CNOT6L: variants seen among roughly 807,000 people sequenced by gnomAD.
CNOT6L encodes the protein CCR4-NOT transcription complex subunit 6-like.
Under a neutral mutation model 64.0 loss-of-function variants are expected in CNOT6L, and 7 were observed. The ratio of observed to expected loss-of-function variants is 0.11; its 90% CI spans 0.06 to 0.21. The LOEUF (loss-of-function observed/expected upper bound fraction) is 0.21. CNOT6L is among the 10% of genes least tolerant of loss of function. The probability of loss-of-function intolerance (pLI) is 1.00; values close to 1 mark genes in which losing one functional copy is unlikely to be tolerated. For missense variants in CNOT6L, 245 were observed against 669.0 expected, an observed-to-expected ratio of 0.37 and a Z score of 6.99; for synonymous variants, 193 against 243.4, an observed-to-expected ratio of 0.79 and a Z score of 1.93.
At chr4:77,723,046 A>G (rs1178265882) in intron 11 of CNOT6L, among the ~76,000 whole-genome samples, 1 of 152,220 alleles carries the variant, frequency 6.6e-6, no homozygotes, top group Admixed American at 6.5e-5. Flanking sequence ...TTACAATTTC[A>G]TAATGTAACA....
chr4:77,728,013 CA>C (rs1359455876), intron 10 of CNOT6L, among the ~76,000 whole-genome samples: 2 of 152,046 alleles, frequency 1.3e-5, no homozygotes, highest in African/African-American at 2.4e-5. Context: ...CAAAATTTAG[CA>C]TATGCTTTGG....
chr4:77,817,934 A>G (rs1185127010), intron 1 of CNOT6L, among the ~76,000 whole-genome samples: 1 of 152,236 alleles, frequency 6.6e-6, no homozygotes, highest in Non-Finnish European at 1.5e-5. Flanking sequence ...ACATTAGCAA[A>G]TAATTATCCA....
intron 1 of CNOT6L, among the ~76,000 whole-genome samples, chr4:77,810,423 T>C (rs1290025609): frequency 6.6e-6 from 1 of 152,204 alleles, no homozygotes; most frequent in East Asian, 1.9e-4. Context: ...GAATGTCAGC[T>C]GACAGCTAGA....
intron 5 of CNOT6L, among the ~76,000 whole-genome samples, chr4:77,750,862 T>A (rs904341223): frequency 6.6e-6 from 1 of 152,208 alleles, no homozygotes; most frequent in Admixed American, 6.5e-5. Flanking sequence ...CTGCCTACAG[T>A]GCAGGTGTCA....
At chr4:77,760,141 A>T (rs1726033658) in intron 4 of CNOT6L, among the ~76,000 whole-genome samples, 1 of 152,088 alleles carries the variant, frequency 6.6e-6, no homozygotes, top group Non-Finnish European at 1.5e-5. Flanking sequence ...GGGAGGCCAA[A>T]GTGGGAGAAC....
At chr4:77,751,878 T>C (rs748116181) in intron 5 of CNOT6L, among the ~76,000 whole-genome samples, 5 of 151,980 alleles carry the variant, frequency 3.3e-5, no homozygotes, top group Non-Finnish European at 4.4e-5. Context: ...CCTTAAAAAA[T>C]AGCTAAAAGA....
At chr4:77,804,167 C>G (rs1731947968) in intron 1 of CNOT6L, among the ~76,000 whole-genome samples, 1 of 152,042 alleles carries the variant, frequency 6.6e-6, no homozygotes, top group Non-Finnish European at 1.5e-5. Context: ...GTGGTTCATG[C>G]CTGTAATCCC....
intron 4 of CNOT6L, among the ~76,000 whole-genome samples, chr4:77,758,678 G>A (rs1369707751): frequency 6.6e-6 from 1 of 152,144 alleles, no homozygotes; most frequent in Non-Finnish European, 1.5e-5. Context: ...ATTACTGGAG[G>A]CTCCATGTAG....
intron 1 of CNOT6L, among the ~76,000 whole-genome samples, chr4:77,807,345 G>C (rs1029223198): frequency 3.3e-5 from 5 of 150,130 alleles, no homozygotes; most frequent in Non-Finnish European, 7.4e-5. Context: ...AGGAATGCAA[G>C]GTCAGCCCGG....
At chr4:77,816,321 T>C (rs1733571944) in intron 1 of CNOT6L, among the ~76,000 whole-genome samples, 1 of 152,172 alleles carries the variant, frequency 6.6e-6, no homozygotes, top group Non-Finnish European at 1.5e-5. Flanking sequence ...TGAAAATTAC[T>C]TTACCAAATA....
rs1456236869 is a variant in CNOT6L at position 77,788,718 on chromosome 4, ACT to A, written c.6-12328_6-12327del. Among the ~76,000 whole-genome samples the A allele has an allele frequency of 2.6e-5, 4 of 152,040 alleles. No homozygotes were observed. In the East Asian group the frequency reaches 7.7e-4, roughly 29 times the overall value. On this transcript the variant is annotated intron_variant, in intron 1 of 11. Coordinates refer to ENST00000504123, the MANE Select transcript of CNOT6L (RefSeq NM_144571.3). ...ACTCCAGCATGGGCGACAGAGCAAG[ACT>A]CTGTCTCAAAAAAGTAATAATAAAT...
chr4:77,721,791 T>C (rs1256663574), intron 11 of CNOT6L, among the ~76,000 whole-genome samples: 1 of 151,874 alleles, frequency 6.6e-6, no homozygotes, highest in East Asian at 1.9e-4. Context: ...GTAAACATAA[T>C]GAGACCCAGG....
rs1720829293 is a variant in CNOT6L at position 77,717,115 on chromosome 4, G to C, written c.*3316C>G. ...AAAAAGTTGCCTATAGAATGGTGCT[G>C]GGATTCTGTTCTCTGCTTGCTTTTA... is the stretch of plus-strand genomic sequence containing the variant. On this transcript the variant is annotated 3_prime_UTR_variant, in exon 12 of 12. Transcript: ENST00000504123. 6.6e-6 allele frequency: 1 copy of C among 152,476 alleles called. No homozygotes were observed. The highest frequency in any genetic ancestry group is 2.1e-4 in the South Asian group (1 of 4,830). The allele number at this position is 152,476 out of a possible 1,614,324, so 9.4% of individuals were successfully genotyped here. A position where few individuals can be genotyped will look rare whatever the true frequency, so the allele number is the denominator to read the frequency against.
intron 1 of CNOT6L, among the ~76,000 whole-genome samples, chr4:77,813,349 T>C (rs1733179093): frequency 6.6e-6 from 1 of 152,082 alleles, no homozygotes; most frequent in Admixed American, 6.6e-5. Context: ...ATAGATTAGC[T>C]AGATTAGAAA....
intron 1 of CNOT6L, among the ~76,000 whole-genome samples, chr4:77,782,557 T>C (rs1424073110): frequency 8.6e-5 from 13 of 151,632 alleles, no homozygotes; most frequent in Non-Finnish European, 1.3e-4. Context: ...CCCAAGCTGG[T>C]CTTGAACTCC....
intron 8 of CNOT6L, among the ~76,000 whole-genome samples, chr4:77,735,342 A>G (rs963364085): frequency 6.6e-6 from 1 of 152,180 alleles, no homozygotes; most frequent in Non-Finnish European, 1.5e-5. Flanking sequence ...GAGAACCCAC[A>G]TTGCAGCAGG....
At position 77,718,102 on chromosome 4, in the gene CNOT6L, TC is replaced by T. The variant is rs1467875912; in HGVS notation, c.*2328del. On this transcript the variant is annotated 3_prime_UTR_variant, in exon 12 of 12. Transcript: ENST00000504123. ...AGTTTTTTATTAATAAATGGGCTCC[TC>T]TGTGGTTCATATACAATCATAAGTG... 3 of 152,548 alleles carry T rather than the reference TC, an allele frequency of 2.0e-5. No individual in the cohort carries two copies. The Admixed American group carries it at 2.0e-4, about 10-fold the overall frequency. 9.4% of individuals were successfully genotyped at this position (152,548 alleles called of 1,614,324 possible). A position where few individuals can be genotyped will look rare whatever the true frequency, so the allele number is the denominator to read the frequency against.
chr4:77,736,554 T>C (rs1722966244), intron 8 of CNOT6L, among the ~76,000 whole-genome samples: 1 of 152,218 alleles, frequency 6.6e-6, no homozygotes, highest in South Asian at 2.1e-4. Flanking sequence ...TTCACAGATT[T>C]CCATACAGGT....
chr4:77,786,098 T>C (rs772933823), intron 1 of CNOT6L, among the ~76,000 whole-genome samples: 1 of 150,914 alleles, frequency 6.6e-6, no homozygotes, highest in African/African-American at 2.4e-5. Flanking sequence ...CTGCCCAACA[T>C]GGTGAAACCC....
Sources: allele counts gnomAD v4.1 joint callset (sites outside exome capture counted in the v4.1 genomes callset), GRCh38; gene constraint gnomAD v4.1.1; transcripts MANE v1.5; gene names NCBI Gene and HGNC (gene_info 2026-07-23, HGNC 2026-07-21).